CSMD3: variants seen among roughly 807,000 people sequenced by gnomAD.
CSMD3 encodes CUB and Sushi multiple domains 3.
Under a neutral mutation model 435.2 loss-of-function variants are expected in CSMD3, and 177 were observed. The observed-to-expected ratio is 0.41, with a 90% CI of 0.36 to 0.46. The LOEUF (loss-of-function observed/expected upper bound fraction) is 0.46. Among genes scored for constraint, CSMD3 ranks in the 20% least tolerant of loss-of-function variants. The pLI is 0.34. For missense variants in CSMD3, 4,265 were observed against 4,504.6 expected (o/e 0.95, Z 1.52); for synonymous variants, 1,656 against 1,520.5 (o/e 1.09, Z -2.07).
chr8:112,481,494 C>CT (rs1819618026), intron 31 of CSMD3, among the ~76,000 whole-genome samples: 1 of 152,074 alleles, frequency 6.6e-6, no homozygotes, highest in African/African-American at 2.4e-5. Context: ...AAAGTGATGA[C>CT]TTCTTGCAGG....
At chr8:112,662,380 C>G (rs1337666911) in intron 17 of CSMD3, among the ~76,000 whole-genome samples, 1 of 152,104 alleles carries the variant, frequency 6.6e-6, no homozygotes, top group Non-Finnish European at 1.5e-5. Flanking sequence ...ATATCTACAA[C>G]TATCTGATCT....
At chr8:112,405,224 T>C (rs1347233402) in intron 35 of CSMD3, among the ~76,000 whole-genome samples, 4 of 58,326 alleles carry the variant, frequency 6.9e-5, no homozygotes, top group East Asian at 9.7e-4. Context: ...CATATATATA[T>C]ATATATATAT....
At chr8:112,958,055 GTTAA>G (rs2084095032) in intron 7 of CSMD3, among the ~76,000 whole-genome samples, 1 of 150,460 alleles carries the variant, frequency 6.6e-6, no homozygotes, top group African/African-American at 2.5e-5. Context: ...ATATAATATT[GTTAA>G]TTCTGAGTCT....
intron 1 of CSMD3, among the ~76,000 whole-genome samples, chr8:113,399,468 A>T (rs551265396): frequency 6.6e-6 from 1 of 152,118 alleles, no homozygotes; most frequent in African/African-American, 2.4e-5. Context: ...TGCCACAAGA[A>T]GATCCCAAAG....
At chr8:113,357,828 C>T (rs2094242717) in intron 1 of CSMD3, among the ~76,000 whole-genome samples, 1 of 152,140 alleles carries the variant, frequency 6.6e-6, no homozygotes, top group South Asian at 2.1e-4. Flanking sequence ...CTCTCTGTCT[C>T]CTGCTGGCCA....
At chr8:113,002,228 G>A (rs1373217175) in intron 6 of CSMD3, among the ~76,000 whole-genome samples, 2 of 152,026 alleles carry the variant, frequency 1.3e-5, no homozygotes, top group Non-Finnish European at 2.9e-5. Flanking sequence ...TCCCGGAGCA[G>A]CTAAAATGTA....
intron 24 of CSMD3, among the ~76,000 whole-genome samples, chr8:112,569,983 T>G (rs545443008): frequency 6.6e-6 from 1 of 152,240 alleles, no homozygotes; most frequent in Admixed American, 6.5e-5. Context: ...ATACCTATGA[T>G]TCTCTCTGTT....
At chr8:112,996,466 G>A (rs2085657019) in intron 6 of CSMD3, among the ~76,000 whole-genome samples, 1 of 151,640 alleles carries the variant, frequency 6.6e-6, no homozygotes, top group Admixed American at 6.6e-5. Flanking sequence ...GTATTTCTGG[G>A]AGAAATGTAC....
chr8:113,278,628 C>A lies in CSMD3; in HGVS notation c.478G>T (p.Ala160Ser), dbSNP rs771595630. 2 of 1,598,046 alleles carry A rather than the reference C, an allele frequency of 1.3e-6. No individual in the cohort carries two copies. Among genetic ancestry groups the A allele is most frequent in the Non-Finnish European group, 1.7e-6 (2 of 1,165,712 alleles). Residue 160 changes from alanine to serine, a missense_variant, in exon 3 of 71, where the codon GCA becomes TCA. Ala to Ser is a moderately conservative substitution (Grantham distance 99). Around this residue, in one of 3 missense-constraint regions of CSMD3, gnomAD observed 731 missense variants for 755.4 expected, o/e 0.97. Coordinates refer to ENST00000297405, the MANE Select transcript of CSMD3 (RefSeq NM_198123.2). Reference sequence around the variant, plus strand: ...ACCTTAAATCCATGAGCACTAACTGCAAAATCACTGGTCAAACGTAGTGAG... The same window carrying A: ...ACCTTAAATCCATGAGCACTAACTGAAAAATCACTGGTCAAACGTAGTGAG... ...VFSLRLTSDF[A>S]VSAHGFKVYY...
intron 38 of CSMD3, among the ~76,000 whole-genome samples, chr8:112,364,971 T>C (rs1827623721): frequency 6.6e-6 from 1 of 152,092 alleles, no homozygotes; most frequent in Admixed American, 6.6e-5. Flanking sequence ...CACAGCTACA[T>C]TTGTTCACAA....
chr8:112,890,690 G>A (rs762004499), intron 10 of CSMD3, among the ~76,000 whole-genome samples: 7 of 151,558 alleles, frequency 4.6e-5, no homozygotes, highest in Non-Finnish European at 7.4e-5. Context: ...ACTATTATGC[G>A]ACTTTCACTA....
chr8:112,983,506 CA>C (rs1024804796), intron 6 of CSMD3, among the ~76,000 whole-genome samples: 3 of 150,370 alleles, frequency 2.0e-5, no homozygotes, highest in Non-Finnish European at 4.4e-5. Flanking sequence ...AAGTATTGCC[CA>C]AAAAAATTAT....
chr8:112,494,551 C>CTTTAT (rs1304795199), intron 30 of CSMD3, among the ~76,000 whole-genome samples: 2 of 111,534 alleles, frequency 1.8e-5, no homozygotes, highest in Non-Finnish European at 2.0e-5. Context: ...TTCTTTCTTT[C>CTTTAT]TTTCTTTCTT....
intron 27 of CSMD3, 68 bp from the exon 28 acceptor site, chr8:112,517,293 T>C: frequency 8.8e-7 from 1 of 1,131,610 alleles, no homozygotes; most frequent in Non-Finnish European, 1.3e-6. Flanking sequence ...TATCCCTGTG[T>C]TTTAGAAAAT....
chr8:113,135,306 G>T (rs1320840438), intron 4 of CSMD3, among the ~76,000 whole-genome samples: 1 of 151,822 alleles, frequency 6.6e-6, no homozygotes, highest in Non-Finnish European at 1.5e-5. Context: ...TTTCAGTTTA[G>T]ATGCACACAA....
chr8:112,301,546 C>G (rs1297189813), intron 53 of CSMD3, among the ~76,000 whole-genome samples: 5 of 152,028 alleles, frequency 3.3e-5, no homozygotes, highest in African/African-American at 1.2e-4. Flanking sequence ...TTAGTTTTCA[C>G]CATTATATTT....
rs140484082 is a variant in CSMD3, at chr8:113,132,363, CAT to C, written c.710-33402_710-33401del. Among the ~76,000 whole-genome samples the C allele has an allele frequency of 5.2e-3, 787 of 152,196 alleles. 10 individuals are homozygous for C. Among genetic ancestry groups the C allele is most frequent in the African/African-American group, 0.018 (760 of 41,542 alleles). On this transcript the variant is annotated intron_variant, in intron 4 of 70. Coordinates refer to ENST00000297405, the MANE Select transcript of CSMD3 (RefSeq NM_198123.2). Reference sequence around the variant, plus strand: ...TGAATTTGTGTCCCTGCCCAAGTCTCATGTTAATTGAGGGAGGGGCCTGGTGG... The same window carrying C: ...TGAATTTGTGTCCCTGCCCAAGTCTCGTTAATTGAGGGAGGGGCCTGGTGG...
intron 3 of CSMD3, among the ~76,000 whole-genome samples, chr8:113,177,320 A>AT (rs887118183): frequency 6.6e-5 from 10 of 151,924 alleles, no homozygotes; most frequent in African/African-American, 1.7e-4. Context: ...ATAATGAAGA[A>AT]TTTTTTTGTA....
intron 9 of CSMD3, among the ~76,000 whole-genome samples, chr8:112,932,067 C>T (rs1199173082): frequency 6.6e-6 from 1 of 152,078 alleles, no homozygotes; most frequent in East Asian, 1.9e-4. Flanking sequence ...AGTAGAACTA[C>T]CATAAGAACC....
Sources: allele counts gnomAD v4.1 joint callset (sites outside exome capture counted in the v4.1 genomes callset), GRCh38; gene constraint gnomAD v4.1.1; regional missense constraint gnomAD v4.1.1; transcripts MANE v1.5; gene names NCBI Gene and HGNC (gene_info 2026-07-23, HGNC 2026-07-21).